The following PALM2AKAP2 variants were observed in gnomAD, a reference collection of about 807,000 sequenced individuals.
The protein encoded by PALM2AKAP2 is PALM2-AKAP2 fusion protein.
Under a neutral mutation model 71.5 loss-of-function variants are expected in PALM2AKAP2, and 37 were observed. The observed-to-expected ratio is 0.52, with a 90% CI of 0.40 to 0.68. PALM2AKAP2 has a LOEUF of 0.68. Ranked by LOEUF, PALM2AKAP2 falls within the 30% of genes least tolerant of loss-of-function variation. The pLI is 0.00. For synonymous variants in PALM2AKAP2, 468 were observed against 478.8 expected, an observed-to-expected ratio of 0.98 and a Z score of 0.29; for missense variants, 1,224 against 1,191.8, an observed-to-expected ratio of 1.03 and a Z score of -0.40.
chr9:110,037,968 C>A (rs1833442695), intron 7 of PALM2AKAP2, among the ~76,000 whole-genome samples: 1 of 152,126 alleles, frequency 6.6e-6, no homozygotes, highest in Non-Finnish European at 1.5e-5. Context: ...TAGAAGGGAT[C>A]AAGCCCAAGT....
intron 1 of PALM2AKAP2, among the ~76,000 whole-genome samples, chr9:109,744,619 G>T (rs76419089): frequency 6.6e-6 from 1 of 152,138 alleles, no homozygotes; most frequent in African/African-American, 2.4e-5. Context: ...ATTTGAGATA[G>T]AACAAGCAAA....
At chr9:110,047,862 G>A (rs1365969479), upstream of PALM2AKAP2, among the ~76,000 whole-genome samples, 2 of 152,166 alleles carry the variant, frequency 1.3e-5, no homozygotes, top group Non-Finnish European at 2.9e-5. Context: ...AATATTCATG[G>A]TGGAGGAGGG....
intron 6 of PALM2AKAP2, chr9:109,943,556 T>C: frequency 1.5e-6 from 2 of 1,291,800 alleles, no homozygotes; most frequent in South Asian, 1.5e-5. Context: ...TGAATTGCTT[T>C]GATCTCTCTC....
At chr9:110,162,768 T>C (rs1332582449) in intron 3 of PALM2AKAP2, among the ~76,000 whole-genome samples, 1 of 152,202 alleles carries the variant, frequency 6.6e-6, no homozygotes, top group Non-Finnish European at 1.5e-5. Context: ...AGTGGTGCAA[T>C]CATAGCTCAC....
chr9:109,932,887 G>T (rs1186075895), intron 6 of PALM2AKAP2, among the ~76,000 whole-genome samples: 1 of 151,086 alleles, frequency 6.6e-6, no homozygotes, highest in Admixed American at 6.7e-5. Context: ...CATAATGGCA[G>T]ATTTTTTAAA....
chr9:109,747,931 A>G (rs902058312), intron 1 of PALM2AKAP2, among the ~76,000 whole-genome samples: 1 of 152,226 alleles, frequency 6.6e-6, no homozygotes, highest in South Asian at 2.1e-4. Flanking sequence ...TCAGCCTCCC[A>G]AAGTGCTGGG....
At chr9:110,039,698 C>T (rs199915378) in intron 7 of PALM2AKAP2, among the ~76,000 whole-genome samples, 4 of 18,008 alleles carry the variant, frequency 2.2e-4, no homozygotes, top group Non-Finnish European at 3.9e-4. Context: ...AACATAGTAG[C>T]AGCAGCAGCA....
chr9:109,651,992 A>C (rs535412382), intron 1 of PALM2AKAP2, among the ~76,000 whole-genome samples: 1 of 152,338 alleles, frequency 6.6e-6, no homozygotes, highest in Admixed American at 6.5e-5. Flanking sequence ...GTGATAATTT[A>C]ACCTATTAAT....
intron 1 of PALM2AKAP2, among the ~76,000 whole-genome samples, chr9:109,744,216 G>C (rs183553134): frequency 1.1e-3 from 170 of 152,304 alleles, no homozygotes; most frequent in African/African-American, 3.8e-3. Flanking sequence ...TGTGATAGGA[G>C]AGATATTGTT....
chr9:110,130,322 T>C (rs1835705671), intron 1 of PALM2AKAP2, among the ~76,000 whole-genome samples: 1 of 152,172 alleles, frequency 6.6e-6, no homozygotes, highest in Non-Finnish European at 1.5e-5. Flanking sequence ...TGGTAGGACT[T>C]TTATAGGTAG....
At chr9:109,744,313 A>G (rs1828765074) in intron 1 of PALM2AKAP2, among the ~76,000 whole-genome samples, 1 of 152,224 alleles carries the variant, frequency 6.6e-6, no homozygotes, top group Non-Finnish European at 1.5e-5. Context: ...AAATAATTAT[A>G]AAGACTTTGA....
chr9:109,670,411 C>T (rs1209034848), intron 1 of PALM2AKAP2, among the ~76,000 whole-genome samples: 2 of 152,096 alleles, frequency 1.3e-5, no homozygotes, highest in African/African-American at 4.8e-5. Context: ...TGGATAATGG[C>T]CTTCAGCTCC....
Position 109,710,573 on chromosome 9 carries a change from G to A in PALM2AKAP2, c.5+69707G>A, listed in dbSNP as rs895921735. 3.6e-4 allele frequency among the ~76,000 whole-genome samples: 55 copies of A among 152,200 alleles called. 2 individuals are homozygous for A. The highest frequency in any genetic ancestry group is 1.5e-4 in the Non-Finnish European group (10 of 68,040). On this transcript the variant is annotated intron_variant, in intron 1 of 6. Coordinates refer to the PALM2AKAP2 transcript ENST00000374531. ...TTCACCTGCAAGACGGGGTGGGAAG[G>A]GAAGTAGCACTTGTTGATCACCTTT...
chr9:109,648,921 GT>G (rs1352985610), intron 1 of PALM2AKAP2, among the ~76,000 whole-genome samples: 1 of 152,174 alleles, frequency 6.6e-6, no homozygotes, highest in East Asian at 1.9e-4. Flanking sequence ...ATAGAATCAT[GT>G]TTTTAGCCCC....
At chr9:109,929,446 C>A (rs1397172810) in intron 5 of PALM2AKAP2, among the ~76,000 whole-genome samples, 2 of 152,116 alleles carry the variant, frequency 1.3e-5, no homozygotes, top group African/African-American at 2.4e-5. Context: ...ACCCACCTGC[C>A]CCTACCCCCT....
At chr9:109,834,018 G>C (rs1828382168) in intron 1 of PALM2AKAP2, among the ~76,000 whole-genome samples, 1 of 152,216 alleles carries the variant, frequency 6.6e-6, no homozygotes, top group South Asian at 2.1e-4. Flanking sequence ...TTCGAGACCA[G>C]TCTGACCAAC....
intron 1 of PALM2AKAP2, among the ~76,000 whole-genome samples, chr9:109,783,132 T>C (rs1219174093): frequency 6.6e-6 from 1 of 152,076 alleles, no homozygotes; most frequent in Non-Finnish European, 1.5e-5. Context: ...AGCTCCTTCA[T>C]CTGTAGAATG....
chr9:110,010,511 ATAAT>A (rs1588057064), intron 6 of PALM2AKAP2, among the ~76,000 whole-genome samples: 1 of 147,572 alleles, frequency 6.8e-6, no homozygotes, highest in African/African-American at 2.5e-5. Context: ...ATAGCAATAT[ATAAT>A]ATAATTATAT....
At chr9:109,648,292 ATACT>A in intron 1 of PALM2AKAP2, among the ~76,000 whole-genome samples, 1 of 152,302 alleles carries the variant, frequency 6.6e-6, no homozygotes, top group East Asian at 1.9e-4. Flanking sequence ...AAATGGACTA[ATACT>A]TAGTGTTAGT....
Sources: gnomAD v4.1 joint callset for allele counts (sites outside exome capture counted in the v4.1 genomes callset) on GRCh38, gnomAD v4.1.1 for gene constraint, MANE v1.5 for transcripts, NCBI Gene and HGNC (gene_info 2026-07-23, HGNC 2026-07-21) for gene names.